CRMP1: variants seen among roughly 807,000 people sequenced by gnomAD.
CRMP1 encodes the protein collapsin response mediator protein 1.
CRMP1 carries 19 observed loss-of-function variants against 68.3 expected under a neutral mutation model. The observed-to-expected ratio is 0.28, with a 90% CI of 0.19 to 0.41. The LOEUF (loss-of-function observed/expected upper bound fraction) is 0.41. Among genes scored for constraint, CRMP1 ranks in the 10% least tolerant of loss-of-function variants. The pLI is 1.00. For missense variants in CRMP1, 791 were observed against 967.4 expected (o/e 0.82, Z 2.42); for synonymous variants, 439 against 399.6 (o/e 1.10, Z -1.18).
At position 5,855,526 on chromosome 4, in the gene CRMP1, A is replaced by C. The variant is rs78226944; in HGVS notation, c.820+617T>G. Among the ~76,000 whole-genome samples, 16,665 of 152,234 alleles carry C rather than the reference A, an allele frequency of 0.11. 985 individuals carry two copies. The highest frequency in any genetic ancestry group is 0.19 in the Middle Eastern group (56 of 292). The stretch of plus-strand genomic sequence containing the variant: ...TCTACACTGTGCTGGTGTGAACCCA[A>C]ACAGAGGGGAGCCAAGGTGGGAAGC... On this transcript the variant is annotated intron_variant, in intron 4 of 13. Transcript: ENST00000324989. This position sits in a 1 kb window ranked among gnomAD's most constrained non-coding sequence, Gnocchi z 4.9.
At chr4:5,868,253 C>T (rs1714129231) in intron 1 of CRMP1, among the ~76,000 whole-genome samples, 1 of 83,132 alleles carries the variant, frequency 1.2e-5, no homozygotes, top group African/African-American at 4.2e-5. Flanking sequence ...TTCTTCATGA[C>T]TATATATCTA....
intron 1 of CRMP1, among the ~76,000 whole-genome samples, chr4:5,880,159 C>T (rs1192149897): frequency 6.6e-6 from 1 of 152,206 alleles, no homozygotes; most frequent in Non-Finnish European, 1.5e-5. Flanking sequence ...AAGTGGTGAT[C>T]TCCCTGTCAT....
chr4:5,875,710 G>GT (rs946467049), intron 1 of CRMP1, among the ~76,000 whole-genome samples: 7 of 144,724 alleles, frequency 4.8e-5, no homozygotes. Context: ...TGAGGAACAG[G>GT]TGGGGGTTGG....
intron 13 of CRMP1, among the ~76,000 whole-genome samples, chr4:5,822,753 T>TGTAA (rs1356176100): frequency 2.0e-5 from 3 of 152,204 alleles, no homozygotes; most frequent in African/African-American, 4.8e-5. Flanking sequence ...GCAAATAAGC[T>TGTAA]GTAAGTCTGC....
intron 3 of CRMP1, among the ~76,000 whole-genome samples, chr4:5,857,706 C>T (rs1278006707): frequency 6.6e-6 from 1 of 152,132 alleles, no homozygotes; most frequent in African/African-American, 2.4e-5. Context: ...AACTAGTAAG[C>T]AGAAGAAGGA....
chr4:5,827,790 T>C (rs1455999887), intron 12 of CRMP1, among the ~76,000 whole-genome samples: 1 of 151,428 alleles, frequency 6.6e-6, no homozygotes, highest in Non-Finnish European at 1.5e-5. Context: ...AGCTGTCTCA[T>C]GGGGAAAGCA....
rs1715765973 is a variant in CRMP1, at chr4:5,888,486, G to A, written c.381+4103C>T. The A allele has an allele frequency of 8.3e-7, 1 of 1,206,264 alleles. No individual in the cohort carries two copies. The highest frequency in any genetic ancestry group is 1.0e-6 in the Non-Finnish European group (1 of 971,824). The allele number at this position is 1,206,264 out of a possible 1,614,324, so 74.7% of individuals were successfully genotyped here. A position where few individuals can be genotyped will look rare whatever the true frequency, so the allele number is the denominator to read the frequency against. On this transcript the variant is annotated intron_variant, in intron 1 of 13. Coordinates refer to ENST00000324989, the MANE Select transcript of CRMP1 (RefSeq NM_001014809.3). The surrounding 1 kb of genome is among the most constrained non-coding windows in gnomAD (Gnocchi z 6.4). ...TGCCAGCACCGCCCGGATCGGCGAG[G>A]AGGGCGGGAGAAGGAGGAGGGAGAG...
At chr4:5,848,222 G>A (rs1433558132) in intron 6 of CRMP1, among the ~76,000 whole-genome samples, 3 of 151,080 alleles carry the variant, frequency 2.0e-5, no homozygotes, top group Admixed American at 6.6e-5. Context: ...TCAGCTCACT[G>A]CAAGCTCCAC....
chr4:5,886,618 G>A (rs760466493), intron 1 of CRMP1, among the ~76,000 whole-genome samples: 1 of 152,240 alleles, frequency 6.6e-6, no homozygotes, highest in Non-Finnish European at 1.5e-5. Context: ...CCACCTTGGA[G>A]ACTGGGGACC....
rs1711556742 is a variant in CRMP1, at chr4:5,839,674, G to T, written c.1158C>A (p.Pro386=). ...DIIALARKKG[P]LVFGEPIAAS... is the part of the protein sequence containing the mutation. ...CGGCAATGGGCTCTCCAAAAACTAG[G>T]GGCCCTTAGGAGGGGAAAACATAAG... The change falls in exon 9 of 14, where the codon CCC becomes CCA. Residue 386 remains proline (P), a synonymous_variant. Transcript: ENST00000324989. 1 of 1,604,050 alleles carries T rather than the reference G, an allele frequency of 6.2e-7. No individual in the cohort carries two copies. Among genetic ancestry groups the T allele is most frequent in the South Asian group, 1.1e-5 (1 of 90,366 alleles).
chr4:5,868,253 C>CTATATATATATA, intron 1 of CRMP1, among the ~76,000 whole-genome samples: 1 of 83,160 alleles, frequency 1.2e-5, no homozygotes, highest in Non-Finnish European at 2.4e-5. Flanking sequence ...TTCTTCATGA[C>CTATATATATATA]TATATATCTA....
At chr4:5,847,835 C>T (rs1360840686) in intron 6 of CRMP1, among the ~76,000 whole-genome samples, 1 of 152,192 alleles carries the variant, frequency 6.6e-6, no homozygotes, top group Non-Finnish European at 1.5e-5. Flanking sequence ...ATATCTACCT[C>T]ACGGAGTAGT....
Position 5,821,470 on chromosome 4 carries a change from G to A in CRMP1, c.*290C>T. On this transcript the variant is annotated 3_prime_UTR_variant, in exon 14 of 14. Coordinates refer to ENST00000324989, the MANE Select transcript of CRMP1 (RefSeq NM_001014809.3). This position sits in a 1 kb window ranked among gnomAD's most constrained non-coding sequence, Gnocchi z 4.4. The stretch of plus-strand genomic sequence containing the variant: ...GGAGCCAGTGGAGTTAGAAGTGGAA[G>A]GGACAGAACAAGACAATGCTAAAAC... The A allele has an allele frequency of 2.4e-6, 1 of 422,742 alleles. No individual in the cohort carries two copies. The highest frequency in any genetic ancestry group is 5.3e-5 in the South Asian group (1 of 18,886). The allele number at this position is 422,742 out of a possible 1,614,324, so 26.2% of individuals were successfully genotyped here. A position where few individuals can be genotyped will look rare whatever the true frequency, so the allele number is the denominator to read the frequency against.
rs780643754 is a variant in CRMP1 at position 5,828,570 on chromosome 4, G to A, written c.1722C>T (p.Asn574=). ...GKIVFEDGNI[N]VNKGMGRFIP... ...TGAAGCGGCCCATGCCCTTGTTGAC[G>A]TTGATGTTTCCGTCTTCAAAGACGA... The change falls in exon 12 of 14, where the codon AAC becomes AAT. Residue 574 remains asparagine, a synonymous_variant. Transcript: ENST00000324989. 3.1e-6 allele frequency: 5 copies of A among 1,614,202 alleles called. No individual in the cohort carries two copies. The highest frequency in any genetic ancestry group is 2.5e-6 in the Non-Finnish European group (3 of 1,180,026).
At position 5,843,194 on chromosome 4, in the gene CRMP1, G is replaced by C. The variant is rs770380363; in HGVS notation, c.964-33C>G. 4 of 1,611,328 alleles carry C rather than the reference G, an allele frequency of 2.5e-6. No individual in the cohort carries two copies. The African/African-American group carries it at 5.3e-5, about 22-fold the overall frequency. On this transcript the variant is annotated intron_variant, in intron 6 of 13. Transcript: ENST00000324989. This position sits in a 1 kb window ranked among gnomAD's most constrained non-coding sequence, Gnocchi z 4.1. ...ACAAGAACAAGTGAGTTAACGATTA[G>C]AGGGTGTCAGAGCTGGGAGAAGTGA... is the stretch of plus-strand genomic sequence containing the variant.
intron 12 of CRMP1, 113 bp downstream of exon 12, chr4:5,828,376 G>A: frequency 6.9e-7 from 1 of 1,453,664 alleles, no homozygotes; most frequent in Non-Finnish European, 9.1e-7. Context: ...AGGAAACGGA[G>A]GTTCCCAGGG....
intron 8 of CRMP1, among the ~76,000 whole-genome samples, chr4:5,840,500 G>T (rs528972560): frequency 1.6e-4 from 24 of 152,362 alleles, no homozygotes; most frequent in African/African-American, 5.5e-4. Flanking sequence ...CGGCTCTAGG[G>T]CAGCCCATCA....
chr4:5,825,312 C>T lies in CRMP1; in HGVS notation c.1969+182G>A. 1.0e-6 allele frequency: 1 copy of T among 985,290 alleles called. No individual in the cohort carries two copies. The highest frequency in any genetic ancestry group is 1.2e-6 in the Non-Finnish European group (1 of 829,908). 61.0% of individuals were successfully genotyped at this position (985,290 alleles called of 1,614,324 possible). On this transcript the variant is annotated intron_variant, in intron 13 of 13. Transcript: ENST00000324989. This position sits in a 1 kb window ranked among gnomAD's most constrained non-coding sequence, Gnocchi z 4.4. The stretch of plus-strand genomic sequence containing the variant: ...CCCCCCTAACATGGACCCCCCTCTG[C>T]TTGGTGACCATGCCAGCCCACTCTG...
rs1372136027 is a variant in CRMP1, at chr4:5,854,336, C to T, written c.820+1807G>A. Among the ~76,000 whole-genome samples, 1 of 151,216 alleles carries T rather than the reference C, an allele frequency of 6.6e-6. No individual in the cohort carries two copies. The highest frequency in any genetic ancestry group is 6.6e-5 in the Admixed American group (1 of 15,176). On this transcript the variant is annotated intron_variant, in intron 4 of 13. Transcript: ENST00000324989. This position sits in a 1 kb window ranked among gnomAD's most constrained non-coding sequence, Gnocchi z 4.0. ...CACTCCAGCCTCAACCTCCCAAACT[C>T]AAGCAATGCTCCTGCTCAGCCTCCC...
Sources: gnomAD v4.1 joint callset for allele counts (sites outside exome capture counted in the v4.1 genomes callset) on GRCh38, gnomAD v4.1.1 for gene constraint, Gnocchi (gnomAD v3.1) non-coding constraint, MANE v1.5 for transcripts, NCBI Gene and HGNC (gene_info 2026-07-23, HGNC 2026-07-21) for gene names.